CNTN4: variants seen among roughly 807,000 people sequenced by gnomAD.
The protein encoded by CNTN4 is contactin 4.
CNTN4 carries 77 observed loss-of-function variants against 122.5 expected under a neutral mutation model. The ratio of observed to expected loss-of-function variants is 0.63; its 90% CI spans 0.52 to 0.76. The LOEUF (loss-of-function observed/expected upper bound fraction) is 0.76, where lower values mean the gene tolerates loss of function less well. Ranked by LOEUF, CNTN4 falls within the 30% of genes least tolerant of loss-of-function variation. The pLI is 0.00. For synonymous variants in CNTN4, 512 were observed against 447.0 expected (o/e 1.15, Z -1.83); for missense variants, 1,256 against 1,259.1 (o/e 1.00, Z 0.04).
At position 3,057,648 on chromosome 3, in the gene CNTN4, C is replaced by T. The variant is rs998976312; in HGVS notation, c.*1428C>T. The T allele has an allele frequency of 1.3e-5, 2 of 152,574 alleles. No individual in the cohort carries two copies. The highest frequency in any genetic ancestry group is 3.9e-4 in the East Asian group (2 of 5,188). The allele number at this position is 152,574 out of a possible 1,614,324, so 9.5% of individuals were successfully genotyped here. Reference sequence around the variant, plus strand: ...TTTGCTTACAAATAATATAACTTTTCAACCTTCTAGTTATATTTATCCAAT... The same window carrying T: ...TTTGCTTACAAATAATATAACTTTTTAACCTTCTAGTTATATTTATCCAAT... On this transcript the variant is annotated 3_prime_UTR_variant, in exon 25 of 25. Coordinates refer to ENST00000418658, the MANE Select transcript of CNTN4 (RefSeq NM_175607.3).
chr3:2,840,236 G>T (rs1251849788), intron 7 of CNTN4, among the ~76,000 whole-genome samples: 3 of 152,072 alleles, frequency 2.0e-5, no homozygotes, highest in Non-Finnish European at 4.4e-5. Context: ...GGTTTCCAGG[G>T]TAACAAAGCC....
At chr3:2,225,896 T>C (rs1156447712) in intron 2 of CNTN4, among the ~76,000 whole-genome samples, 1 of 152,166 alleles carries the variant, frequency 6.6e-6, no homozygotes, top group African/African-American at 2.4e-5. Context: ...AGTTTTAAAA[T>C]CTTGGATTTG....
intron 4 of CNTN4, among the ~76,000 whole-genome samples, chr3:2,642,614 G>C (rs971777071): frequency 2.0e-5 from 3 of 152,096 alleles, no homozygotes; most frequent in Admixed American, 6.6e-5. Context: ...ACAGGTATAT[G>C]TATACATTCT....
chr3:3,038,912 G>C, intron 18 of CNTN4, 21 bp from the exon 19 acceptor site: 1 of 1,613,190 alleles, frequency 6.2e-7, no homozygotes, highest in Middle Eastern at 1.7e-4. Flanking sequence ...GACATAACTT[G>C]TTTTTTGTCT....
At chr3:2,979,094 T>G (rs73805475) in intron 13 of CNTN4, among the ~76,000 whole-genome samples, 35,608 of 152,054 alleles carry the variant, frequency 0.23, 5,047 homozygotes, top group African/African-American at 0.4. Context: ...CTACGAGGTG[T>G]TCGAGCTTGT....
At chr3:2,146,743 A>G (rs1279671951) in intron 2 of CNTN4, among the ~76,000 whole-genome samples, 1 of 152,176 alleles carries the variant, frequency 6.6e-6, no homozygotes, top group Admixed American at 6.5e-5. Context: ...TGTGTCAGTT[A>G]TATGTCACCT....
intron 3 of CNTN4, among the ~76,000 whole-genome samples, chr3:2,381,123 A>G (rs1249579395): frequency 1.3e-5 from 2 of 151,666 alleles, no homozygotes; most frequent in Non-Finnish European, 2.9e-5. Context: ...CTCCTGCCTC[A>G]GCCTCCTGAG....
chr3:3,030,160 C>G (rs1435269006), intron 15 of CNTN4, among the ~76,000 whole-genome samples: 4 of 152,166 alleles, frequency 2.6e-5, no homozygotes, highest in Non-Finnish European at 5.9e-5. Context: ...TTGTGATAGC[C>G]TGTGGAATCA....
intron 2 of CNTN4, among the ~76,000 whole-genome samples, chr3:2,292,350 A>G (rs1313683519): frequency 1.3e-5 from 2 of 152,202 alleles, no homozygotes; most frequent in South Asian, 2.1e-4. Flanking sequence ...AGTACCAAAC[A>G]TGTATTAGGT....
At chr3:2,114,901 C>T (rs2033234491) in intron 2 of CNTN4, among the ~76,000 whole-genome samples, 1 of 152,198 alleles carries the variant, frequency 6.6e-6, no homozygotes, top group Non-Finnish European at 1.5e-5. Context: ...TGTCCTCAGA[C>T]ATTATTAAAG....
intron 4 of CNTN4, among the ~76,000 whole-genome samples, chr3:2,671,191 A>G (rs962711845): frequency 2.6e-5 from 4 of 152,138 alleles, no homozygotes; most frequent in Non-Finnish European, 5.9e-5. Context: ...GTGTTTTCCA[A>G]CTTGGTTCCA....
intron 3 of CNTN4, among the ~76,000 whole-genome samples, chr3:2,364,583 C>G (rs1169938551): frequency 2.0e-5 from 3 of 151,898 alleles, no homozygotes; most frequent in Non-Finnish European, 4.4e-5. Flanking sequence ...CTCTTTTAAT[C>G]TAGTTGAGTC....
chr3:2,632,720 C>T (rs1182527600), intron 4 of CNTN4, among the ~76,000 whole-genome samples: 1 of 152,050 alleles, frequency 6.6e-6, no homozygotes, highest in Admixed American at 6.6e-5. Flanking sequence ...TATATGCCAG[C>T]CACATTGAAT....
At chr3:2,219,634 C>A (rs181441254) in intron 2 of CNTN4, among the ~76,000 whole-genome samples, 8 of 152,138 alleles carry the variant, frequency 5.3e-5, no homozygotes, top group Non-Finnish European at 1.0e-4. Flanking sequence ...AGGCTCATAT[C>A]TACAATAAAA....
intron 3 of CNTN4, among the ~76,000 whole-genome samples, chr3:2,532,725 A>G (rs1575878068): frequency 1.3e-5 from 2 of 152,306 alleles, no homozygotes; most frequent in Admixed American, 1.3e-4. Context: ...AGAGTTGTTT[A>G]CATTCTTAAA....
intron 14 of CNTN4, among the ~76,000 whole-genome samples, chr3:3,003,704 A>C (rs796489759): frequency 0.025 from 3,531 of 139,996 alleles, 72 homozygotes; most frequent in African/African-American, 0.048. Context: ...AAAAAAAAAA[A>C]AAAAAAAAAA....
chr3:2,497,499 C>G (rs2076483792), intron 3 of CNTN4, among the ~76,000 whole-genome samples: 1 of 152,286 alleles, frequency 6.6e-6, no homozygotes, highest in South Asian at 2.1e-4. Context: ...ATGTCCTGTG[C>G]TCATGAGTGG....
chr3:2,514,513 A>G (rs2076985413), intron 3 of CNTN4, among the ~76,000 whole-genome samples: 2 of 152,008 alleles, frequency 1.3e-5, no homozygotes, highest in Non-Finnish European at 2.9e-5. Flanking sequence ...AAAATAATTA[A>G]TTTAGTAACT....
chr3:2,880,423 G>C (rs537871236), intron 8 of CNTN4, among the ~76,000 whole-genome samples: 25 of 152,278 alleles, frequency 1.6e-4, no homozygotes, highest in African/African-American at 6.0e-4. Flanking sequence ...GCACTAAAAG[G>C]TGTTAACTTG....
Sources: allele counts gnomAD v4.1 joint callset (sites outside exome capture counted in the v4.1 genomes callset), GRCh38; gene constraint gnomAD v4.1.1; transcripts MANE v1.5; gene names NCBI Gene and HGNC (gene_info 2026-07-23, HGNC 2026-07-21).